PTPRR: variants seen among roughly 807,000 people sequenced by gnomAD.
PTPRR encodes the protein receptor-type tyrosine-protein phosphatase R.
Under a neutral mutation model 77.2 loss-of-function variants are expected in PTPRR, and 38 were observed. The ratio of observed to expected loss-of-function variants is 0.49; its 90% CI spans 0.38 to 0.65. The LOEUF (loss-of-function observed/expected upper bound fraction) is 0.65. Ranked by LOEUF, PTPRR falls within the 30% of genes least tolerant of loss-of-function variation. The pLI, the probability that PTPRR is intolerant of heterozygous loss-of-function variation, is 0.00. For synonymous variants in PTPRR, 299 were observed against 283.1 expected (o/e 1.06, Z -0.57); for missense variants, 744 against 799.2 (o/e 0.93, Z 0.83).
intron 1 of PTPRR, among the ~76,000 whole-genome samples, chr12:70,905,628 G>A (rs1268550340): frequency 1.3e-5 from 2 of 151,998 alleles, no homozygotes; most frequent in South Asian, 4.1e-4. Flanking sequence ...ACAAAGGAAA[G>A]AGAAATGAAT....
At chr12:70,774,575 T>C (rs1243453649) in intron 2 of PTPRR, among the ~76,000 whole-genome samples, 1 of 152,222 alleles carries the variant, frequency 6.6e-6, no homozygotes. Flanking sequence ...TCTGGTTCAT[T>C]GCATCAAAAC....
At chr12:70,685,692 G>A (rs1357616219) in intron 8 of PTPRR, among the ~76,000 whole-genome samples, 3 of 151,938 alleles carry the variant, frequency 2.0e-5, no homozygotes, top group Non-Finnish European at 2.9e-5. Context: ...AAAAAACTAT[G>A]ATTCATTTCA....
chr12:70,818,390 T>G (rs1891945118), intron 2 of PTPRR, among the ~76,000 whole-genome samples: 1 of 152,146 alleles, frequency 6.6e-6, no homozygotes, highest in African/African-American at 2.4e-5. Flanking sequence ...AACATCAATG[T>G]AAAACATTAA....
intron 8 of PTPRR, among the ~76,000 whole-genome samples, chr12:70,694,863 T>G (rs1254080163): frequency 6.6e-6 from 1 of 152,198 alleles, no homozygotes; most frequent in African/African-American, 2.4e-5. Context: ...CTAATAATTT[T>G]CTATTGATGT....
At chr12:70,888,789 C>T (rs1284200913) in intron 2 of PTPRR, among the ~76,000 whole-genome samples, 1 of 152,066 alleles carries the variant, frequency 6.6e-6, no homozygotes, top group Non-Finnish European at 1.5e-5. Context: ...TAGACATCTG[C>T]TTCTCCACAG....
intron 2 of PTPRR, among the ~76,000 whole-genome samples, chr12:70,776,933 T>C (rs1891101008): frequency 6.6e-6 from 1 of 152,136 alleles, no homozygotes; most frequent in South Asian, 2.1e-4. Context: ...TGGTAAAAAG[T>C]GAAAATATGC....
intron 10 of PTPRR, among the ~76,000 whole-genome samples, chr12:70,680,235 C>T (rs377494685): frequency 8.3e-4 from 127 of 152,252 alleles, no homozygotes; most frequent in African/African-American, 1.7e-3. Flanking sequence ...TTATAAATTT[C>T]CATTTCTTTA....
intron 2 of PTPRR, among the ~76,000 whole-genome samples, chr12:70,767,541 C>T (rs1295130684): frequency 6.6e-6 from 1 of 152,060 alleles, no homozygotes; most frequent in Non-Finnish European, 1.5e-5. Flanking sequence ...TACAAAGAGA[C>T]TTAGACTCCT....
chr12:70,795,638 T>C (rs1275558302), intron 2 of PTPRR, among the ~76,000 whole-genome samples: 1 of 152,202 alleles, frequency 6.6e-6, no homozygotes, highest in African/African-American at 2.4e-5. Flanking sequence ...TAGAGAAATA[T>C]ATGAGTACCT....
chr12:70,833,024 T>C (rs2137052141), intron 2 of PTPRR, among the ~76,000 whole-genome samples: 1 of 152,228 alleles, frequency 6.6e-6, no homozygotes, highest in African/African-American at 2.4e-5. Flanking sequence ...GAGCAAGAAC[T>C]CATTACCATG....
chr12:70,691,227 C>CT (rs1176715666), intron 8 of PTPRR, among the ~76,000 whole-genome samples: 2 of 152,154 alleles, frequency 1.3e-5, no homozygotes, highest in African/African-American at 4.8e-5. Context: ...CACTGACCCT[C>CT]TTGTTGTTAA....
intron 2 of PTPRR, among the ~76,000 whole-genome samples, chr12:70,872,200 AT>A (rs1241315065): frequency 2.0e-5 from 3 of 152,128 alleles, no homozygotes; most frequent in Admixed American, 1.3e-4. Flanking sequence ...TATAACTTTT[AT>A]TTCATGCTTG....
rs190774867 is a variant in PTPRR, at chr12:70,638,495, A to C, written c.*689T>G. The C allele has an allele frequency of 7.9e-5, 12 of 152,732 alleles. No individual in the cohort carries two copies. Among genetic ancestry groups the C allele is most frequent in the African/African-American group, 2.4e-4 (10 of 41,562 alleles). The allele number at this position is 152,732 out of a possible 1,614,324, so 9.5% of individuals were successfully genotyped here. ...AGCAGAAGCCACCTTTATGCCCAAT[A>C]ATAGAGAGTAAATACATATATACCC... On this transcript the variant is annotated 3_prime_UTR_variant, in exon 14 of 14. Coordinates refer to ENST00000283228, the MANE Select transcript of PTPRR (RefSeq NM_002849.4).
intron 6 of PTPRR, among the ~76,000 whole-genome samples, chr12:70,703,571 T>G (rs1888509944): frequency 6.6e-6 from 1 of 152,200 alleles, no homozygotes; most frequent in African/African-American, 2.4e-5. Context: ...GTTTTTAAAG[T>G]TTTTCAGTTC....
chr12:70,740,067 T>C (rs1212640567), intron 6 of PTPRR, among the ~76,000 whole-genome samples: 1 of 152,150 alleles, frequency 6.6e-6, no homozygotes, highest in African/African-American at 2.4e-5. Context: ...CAGCAAAGTA[T>C]GATAATGAAA....
At chr12:70,904,405 A>G (rs1255956523) in intron 1 of PTPRR, among the ~76,000 whole-genome samples, 1 of 151,924 alleles carries the variant, frequency 6.6e-6, no homozygotes, top group Admixed American at 6.6e-5. Context: ...GATCCACACA[A>G]CTTGAATATA....
intron 2 of PTPRR, among the ~76,000 whole-genome samples, chr12:70,851,270 A>C (rs1319452788): frequency 6.6e-6 from 1 of 152,174 alleles, no homozygotes; most frequent in Non-Finnish European, 1.5e-5. Context: ...CCTCTGGTAA[A>C]ATACCCAGAC....
chr12:70,700,761 T>C (rs1888392128), intron 7 of PTPRR, among the ~76,000 whole-genome samples: 1 of 152,032 alleles, frequency 6.6e-6, no homozygotes, highest in Non-Finnish European at 1.5e-5. Context: ...AAGGCTAGGG[T>C]TTCTTTTATA....
At chr12:70,777,084 A>G (rs562661208) in intron 2 of PTPRR, among the ~76,000 whole-genome samples, 1 of 152,168 alleles carries the variant, frequency 6.6e-6, no homozygotes, top group African/African-American at 2.4e-5. Context: ...ACTATTAAAT[A>G]CAAATAGGAT....
Sources: gnomAD v4.1 joint callset for allele counts (sites outside exome capture counted in the v4.1 genomes callset) on GRCh38, gnomAD v4.1.1 for gene constraint, MANE v1.5 for transcripts, NCBI Gene and HGNC (gene_info 2026-07-23, HGNC 2026-07-21) for gene names.